CSTPP1: variants seen among roughly 807,000 people sequenced by gnomAD.
CSTPP1 encodes the protein UPF0705 protein C11orf49.
At chr11:47,143,090 C>T in the CSTPP1 span, among the ~76,000 whole-genome samples, 3 of 152,190 alleles carry the variant, frequency 2.0e-5, no homozygotes, top group Admixed American at 6.5e-5. Flanking sequence ...GTTTTCTCCC[C>T]GAGTATGAGC....
the CSTPP1 span, among the ~76,000 whole-genome samples, chr11:47,012,994 G>GTT: frequency 1.3e-5 from 1 of 79,920 alleles, no homozygotes; most frequent in African/African-American, 4.7e-5. Flanking sequence ...AGACAGAATG[G>GTT]TTATATATAT....
At chr11:47,017,667 CT>C in the CSTPP1 span, among the ~76,000 whole-genome samples, 5,931 of 133,248 alleles carry the variant, frequency 0.045, 262 homozygotes, top group African/African-American at 0.14. Context: ...AATATATAAA[CT>C]TTTTTTTTTT....
the CSTPP1 span, among the ~76,000 whole-genome samples, chr11:47,149,142 C>T: frequency 6.6e-6 from 1 of 152,186 alleles, no homozygotes; most frequent in Non-Finnish European, 1.5e-5. Flanking sequence ...TAGGCTCCAC[C>T]CCACACATGG....
chr11:47,117,903 A>G, the CSTPP1 span, among the ~76,000 whole-genome samples: 1 of 110,930 alleles, frequency 9.0e-6, no homozygotes, highest in Non-Finnish European at 1.7e-5. Context: ...TTTTTTTGAG[A>G]CAGTCTCACT....
the CSTPP1 span, among the ~76,000 whole-genome samples, chr11:47,038,061 C>T: frequency 4.7e-5 from 5 of 105,852 alleles, no homozygotes; most frequent in East Asian, 2.5e-4. Context: ...CGGGCAGAGG[C>T]GCCCCTCACC....
the CSTPP1 span, among the ~76,000 whole-genome samples, chr11:46,974,645 A>G: frequency 6.6e-6 from 1 of 152,022 alleles, no homozygotes; most frequent in Non-Finnish European, 1.5e-5. Flanking sequence ...GTTTGAGACC[A>G]GCCTGGCCAA....
chr11:47,102,121 C>T, the CSTPP1 span, among the ~76,000 whole-genome samples: 4 of 152,112 alleles, frequency 2.6e-5, no homozygotes, highest in Non-Finnish European at 4.4e-5. Flanking sequence ...AGGGGCTTAA[C>T]AATCTATTAC....
At chr11:47,069,274 G>C in the CSTPP1 span, among the ~76,000 whole-genome samples, 1 of 152,116 alleles carries the variant, frequency 6.6e-6, no homozygotes, top group Non-Finnish European at 1.5e-5. Context: ...GTAAAACCAA[G>C]ACTAAATTCA....
chr11:47,122,938 C>G, the CSTPP1 span, among the ~76,000 whole-genome samples: 2 of 152,200 alleles, frequency 1.3e-5, no homozygotes, highest in Non-Finnish European at 2.9e-5. Context: ...GGTCCCCAAA[C>G]ACTGAGTTAA....
the CSTPP1 span, among the ~76,000 whole-genome samples, chr11:47,038,358 T>C: frequency 0.51 from 27,701 of 54,512 alleles, 10,138 homozygotes; most frequent in African/African-American, 0.73. Context: ...CTGGACGGAG[T>C]GGCTGGCCGG....
chr11:47,132,126 C>T, the CSTPP1 span, among the ~76,000 whole-genome samples: 1 of 152,158 alleles, frequency 6.6e-6, no homozygotes, highest in Admixed American at 6.6e-5. Flanking sequence ...TAGTACCTAG[C>T]ACGTAGGGGA....
At chr11:47,137,934 GGGA>G in the CSTPP1 span, 1 of 610,750 alleles carries the variant, frequency 1.6e-6, no homozygotes, top group Non-Finnish European at 2.8e-6. Flanking sequence ...GGTTTCTGTG[GGGA>G]GCCTCAGGGT....
At chr11:47,063,789 G>A in the CSTPP1 span, among the ~76,000 whole-genome samples, 1 of 152,154 alleles carries the variant, frequency 6.6e-6, no homozygotes, top group Admixed American at 6.6e-5. Flanking sequence ...ATGAATGTAA[G>A]TGTACAAATA....
At chr11:46,964,900 T>C in the CSTPP1 span, among the ~76,000 whole-genome samples, 1 of 151,954 alleles carries the variant, frequency 6.6e-6, no homozygotes, top group Non-Finnish European at 1.5e-5. Context: ...CTGACTAAAA[T>C]TGGGGGTTTC....
At chr11:47,036,771 G>A in the CSTPP1 span, among the ~76,000 whole-genome samples, 1 of 127,352 alleles carries the variant, frequency 7.9e-6, no homozygotes, top group African/African-American at 2.5e-5. Context: ...TCTGCCTCCC[G>A]GGTTCAATCA....
the CSTPP1 span, among the ~76,000 whole-genome samples, chr11:46,941,122 T>C: frequency 6.6e-6 from 1 of 152,264 alleles, no homozygotes; most frequent in African/African-American, 2.4e-5. Flanking sequence ...TGCTTCTTCA[T>C]GCTTTGTTGC....
the CSTPP1 span, among the ~76,000 whole-genome samples, chr11:46,949,691 A>G: frequency 6.8e-6 from 1 of 146,966 alleles, no homozygotes; most frequent in African/African-American, 2.5e-5. Context: ...TTTTTGAGAC[A>G]GAGTTTCGCT....
the CSTPP1 span, among the ~76,000 whole-genome samples, chr11:47,093,274 C>A: frequency 2.0e-5 from 3 of 152,154 alleles, no homozygotes; most frequent in Non-Finnish European, 4.4e-5. Flanking sequence ...ACTTTAACAG[C>A]AAAACTGCAA....
chr11:47,018,209 G>A, the CSTPP1 span, among the ~76,000 whole-genome samples: 14 of 150,258 alleles, frequency 9.3e-5, no homozygotes, highest in Non-Finnish European at 1.0e-4. Flanking sequence ...ACTCATTTCT[G>A]TGTGAACATA....
Sources: gnomAD v4.1 joint callset for allele counts (sites outside exome capture counted in the v4.1 genomes callset) on GRCh38, gnomAD v4.1.1 for gene constraint, MANE v1.5 for transcripts, NCBI Gene and HGNC (gene_info 2026-07-23, HGNC 2026-07-21) for gene names.